UBR2: variants seen among roughly 807,000 people sequenced by gnomAD.
UBR2 encodes the protein E3 ubiquitin-protein ligase UBR2.
Under a neutral mutation model 247.9 loss-of-function variants are expected in UBR2, and 92 were observed. The ratio of observed to expected loss-of-function variants is 0.37; its 90% CI spans 0.31 to 0.44. UBR2 has a LOEUF of 0.44. Ranked by LOEUF, UBR2 falls within the 20% of genes least tolerant of loss-of-function variation. The pLI is 1.00. For missense variants in UBR2, 1,613 were observed against 2,112.6 expected (o/e 0.76, Z 4.64); for synonymous variants, 672 against 693.5 (o/e 0.97, Z 0.49).
chr6:42,683,977 C>G (rs9394915), intron 43 of UBR2, among the ~76,000 whole-genome samples: 6,734 of 152,230 alleles, frequency 0.044, 195 homozygotes, highest in Middle Eastern at 0.11. Flanking sequence ...GATTATCTGT[C>G]CTATTTGTTT....
In UBR2 at chr6:42,688,198, G is replaced by C; in HGVS notation, c.4854-18G>C. ...CACTCTTTAGATCAATGACTTGTGG[G>C]TTTTTTATCCCTTGGAGGTGCCCGA... On this transcript the variant is annotated intron_variant, in intron 44 of 46. Transcript: ENST00000372901. 1 of 1,614,118 alleles carries C rather than the reference G, an allele frequency of 6.2e-7. No homozygotes were observed. Among genetic ancestry groups the C allele is most frequent in the Non-Finnish European group, 8.5e-7 (1 of 1,180,008 alleles).
intron 11 of UBR2, among the ~76,000 whole-genome samples, 188 bp downstream of exon 11, chr6:42,617,695 G>A (rs1274444706): frequency 1.3e-5 from 2 of 152,162 alleles, no homozygotes; most frequent in African/African-American, 4.8e-5. Flanking sequence ...TGGTAGGGGG[G>A]AAGTCATTTA....
chr6:42,618,827 A>G (rs1445540663), intron 11 of UBR2, among the ~76,000 whole-genome samples: 1 of 152,210 alleles, frequency 6.6e-6, no homozygotes, highest in Non-Finnish European at 1.5e-5. Flanking sequence ...GAACCGGCCA[A>G]GTGGGTTTGA....
chr6:42,635,776 TG>T (rs1796052377), intron 14 of UBR2, among the ~76,000 whole-genome samples: 1 of 152,252 alleles, frequency 6.6e-6, no homozygotes, highest in Admixed American at 6.5e-5. Flanking sequence ...TCTTCCCTAA[TG>T]TAACTATCTT....
In UBR2 at chr6:42,659,298, A is replaced by G. The variant is rs1300183434; in HGVS notation, c.3243-358A>G. Among the ~76,000 whole-genome samples the G allele has an allele frequency of 6.6e-6, 1 of 152,012 alleles. No individual in the cohort carries two copies. Among genetic ancestry groups the G allele is most frequent in the Non-Finnish European group, 1.5e-5 (1 of 68,006 alleles). ...ATCACAAGGTGAGGAGTTCGAGACCAGCCTGACCAACATGGTGAAACCCCA... is the reference window on the plus strand; with the variant it reads ...ATCACAAGGTGAGGAGTTCGAGACCGGCCTGACCAACATGGTGAAACCCCA... On this transcript the variant is annotated intron_variant, in intron 29 of 46. Coordinates refer to ENST00000372901, the MANE Select transcript of UBR2 (RefSeq NM_001363705.2). The surrounding 1 kb of genome is among the most constrained non-coding windows in gnomAD (Gnocchi z 4.3).
At position 42,637,201 on chromosome 6, in the gene UBR2, C is replaced by T. The variant is rs1175169152; in HGVS notation, c.1858+7C>T. On this transcript the variant is annotated splice_region_variant and intron_variant, in intron 15 of 46. Transcript: ENST00000372901. Reference sequence around the variant, plus strand: ...GTTTCTCGCTTACTTGCAGGTAAAGCATTTCCCCTAAAATAAAACCCTAAA... The same window carrying T: ...GTTTCTCGCTTACTTGCAGGTAAAGTATTTCCCCTAAAATAAAACCCTAAA... 1.2e-6 allele frequency: 2 copies of T among 1,605,496 alleles called. No homozygotes were observed. Among genetic ancestry groups the T allele is most frequent in the Non-Finnish European group, 8.5e-7 (1 of 1,174,650 alleles).
intron 11 of UBR2, among the ~76,000 whole-genome samples, chr6:42,624,485 C>T (rs1795209726): frequency 6.6e-6 from 1 of 151,986 alleles, no homozygotes; most frequent in Non-Finnish European, 1.5e-5. Flanking sequence ...ATTCTTTCTG[C>T]CCACTGTACA....
Position 42,689,515 on chromosome 6 carries a change from C to G in UBR2, c.5025-54C>G, listed in dbSNP as rs1210521528. The G allele has an allele frequency of 6.7e-7, 1 of 1,500,608 alleles. No individual in the cohort carries two copies. The highest frequency in any genetic ancestry group is 9.3e-7 in the Non-Finnish European group (1 of 1,077,248). 93.0% of individuals were successfully genotyped at this position (1,500,608 alleles called of 1,614,324 possible). On this transcript the variant is annotated intron_variant, in intron 45 of 46. Transcript: ENST00000372901. The surrounding 1 kb of genome is among the most constrained non-coding windows in gnomAD (Gnocchi z 4.0). ...ACTTCATTCTATTTGGAACTGAATACAAATGTTGGTTACTAATGTGTAAAT... is the reference window on the plus strand; with the variant it reads ...ACTTCATTCTATTTGGAACTGAATAGAAATGTTGGTTACTAATGTGTAAAT...
At position 42,632,881 on chromosome 6, in the gene UBR2, T is replaced by G; in HGVS notation, c.1522T>G (p.Leu508Val). 6.3e-7 allele frequency: 1 copy of G among 1,592,580 alleles called. No homozygotes were observed. Among genetic ancestry groups the G allele is most frequent in the South Asian group, 1.2e-5 (1 of 86,194 alleles). Residue 508 changes from leucine to valine, a missense_variant, in exon 13 of 47, where the codon TTG (leucine) becomes GTG (valine). Leu to Val is a conservative substitution (Grantham distance 32). Around this residue, in one of 3 missense-constraint regions of UBR2, gnomAD observed 1,524 missense variants for 1,967.3 expected, o/e 0.77. Transcript: ENST00000372901. ...QKFLEGFDAF[L>V]ELLKCMQGMD... is the part of the protein sequence containing the mutation. Reference sequence around the variant, plus strand: ...GTTCCTAGAAGGGTTTGATGCCTTTTTGGAATTACTAAAATGTATGCAGGT... The same window carrying G: ...GTTCCTAGAAGGGTTTGATGCCTTTGTGGAATTACTAAAATGTATGCAGGT...
At chr6:42,648,264 G>A in intron 22 of UBR2, 94 bp downstream of exon 22, 1 of 1,021,572 alleles carries the variant, frequency 9.8e-7, no homozygotes, top group East Asian at 2.4e-5. Context: ...TGAGAATGAA[G>A]TTGCAGCTTT....
At chr6:42,594,920 A>G (rs558210536) in intron 4 of UBR2, among the ~76,000 whole-genome samples, 2 of 152,312 alleles carry the variant, frequency 1.3e-5, no homozygotes, top group South Asian at 4.1e-4. Flanking sequence ...AAAACTTTCC[A>G]TATATTTCTA....
chr6:42,583,231 G>C (rs1454608566), intron 2 of UBR2, among the ~76,000 whole-genome samples: 1 of 152,102 alleles, frequency 6.6e-6, no homozygotes, highest in African/African-American at 2.4e-5. Flanking sequence ...AATAGTTTCT[G>C]TGATTTATTT....
intron 34 of UBR2, among the ~76,000 whole-genome samples, chr6:42,669,649 A>G (rs971645463): frequency 1.3e-5 from 2 of 152,220 alleles, no homozygotes; most frequent in Non-Finnish European, 2.9e-5. Context: ...TACCTGGTGG[A>G]CAGGTTGGAG....
chr6:42,609,375 C>T (rs932814109), intron 7 of UBR2, among the ~76,000 whole-genome samples: 1 of 151,698 alleles, frequency 6.6e-6, no homozygotes, highest in African/African-American at 2.4e-5. Flanking sequence ...CAGTCATTAA[C>T]AGAAAAAAAA....
intron 4 of UBR2, among the ~76,000 whole-genome samples, chr6:42,601,107 C>A (rs181574968): frequency 6.6e-6 from 1 of 152,104 alleles, no homozygotes; most frequent in Non-Finnish European, 1.5e-5. Context: ...GTTTTATAAA[C>A]CCTGTTTATC....
At chr6:42,579,853 A>G (rs1338626503) in intron 2 of UBR2, among the ~76,000 whole-genome samples, 1 of 152,240 alleles carries the variant, frequency 6.6e-6, no homozygotes, top group Non-Finnish European at 1.5e-5. Context: ...TATTACACAC[A>G]TATGAATGAA....
At chr6:42,567,609 A>G (rs1790861425) in intron 1 of UBR2, among the ~76,000 whole-genome samples, 2 of 152,148 alleles carry the variant, frequency 1.3e-5, no homozygotes, top group Admixed American at 1.3e-4. Context: ...CACCCCTGTA[A>G]TCCCAGCTAT....
At chr6:42,645,135 G>A (rs934035234) in intron 20 of UBR2, among the ~76,000 whole-genome samples, 1 of 152,020 alleles carries the variant, frequency 6.6e-6, no homozygotes, top group Non-Finnish European at 1.5e-5. Flanking sequence ...GGAAAGGAAG[G>A]CTCTCTCTCC....
At chr6:42,640,425 T>TA (rs1336270434) in intron 16 of UBR2, among the ~76,000 whole-genome samples, 155 bp downstream of exon 16, 1 of 129,274 alleles carries the variant, frequency 7.7e-6, no homozygotes, top group Non-Finnish European at 1.7e-5. Context: ...TGTGTGTGTG[T>TA]GTGTGTGTGT....
Sources: allele counts gnomAD v4.1 joint callset (sites outside exome capture counted in the v4.1 genomes callset), GRCh38; gene constraint gnomAD v4.1.1; regional missense constraint gnomAD v4.1.1; non-coding constraint Gnocchi (gnomAD v3.1); transcripts MANE v1.5; gene names NCBI Gene and HGNC (gene_info 2026-07-23, HGNC 2026-07-21).